The following FOXN3 variants were observed in gnomAD, a reference collection of about 807,000 sequenced individuals.
FOXN3 encodes the protein forkhead box N3.
A neutral mutation model predicts 38.4 loss-of-function variants in FOXN3; 7 were observed. The ratio of observed to expected loss-of-function variants is 0.18; its 90% CI spans 0.10 to 0.34. FOXN3 has a LOEUF of 0.34. FOXN3 is among the 10% of genes least tolerant of loss of function. The probability of loss-of-function intolerance (pLI) is 1.00; values close to 1 mark genes in which losing one functional copy is unlikely to be tolerated. For missense variants in FOXN3, 456 were observed against 613.4 expected (o/e 0.74, Z 2.71); for synonymous variants, 230 against 242.2 (o/e 0.95, Z 0.47).
intron 4 of FOXN3, among the ~76,000 whole-genome samples, chr14:89,208,727 T>C (rs754944748): frequency 2.0e-5 from 3 of 152,186 alleles, no homozygotes; most frequent in Non-Finnish European, 2.9e-5. Flanking sequence ...AAGCACAGAA[T>C]AATAGAATTT....
chr14:89,221,473 A>G (rs1467470964), intron 4 of FOXN3, among the ~76,000 whole-genome samples: 1 of 152,344 alleles, frequency 6.6e-6, no homozygotes, highest in East Asian at 1.9e-4. Flanking sequence ...CTTTGGTTAC[A>G]GTCAGATTTG....
rs557499338 is a variant in FOXN3 at position 89,427,673 on chromosome 14, C to G, written c.-14-15183G>C. 7.2e-5 allele frequency among the ~76,000 whole-genome samples: 11 copies of G among 151,966 alleles called. No individual in the cohort carries two copies. The East Asian group carries it at 2.1e-3, about 29-fold the overall frequency. Reference sequence around the variant, plus strand: ...CTTGCAAAAACTCAAAGTTCAACTTCTATGTCATAATCAACAAAGTATGGT... The same window carrying G: ...CTTGCAAAAACTCAAAGTTCAACTTGTATGTCATAATCAACAAAGTATGGT... On this transcript the variant is annotated intron_variant, in intron 1 of 6. Transcript: ENST00000345097.
At chr14:89,266,586 C>A (rs1216961103) in intron 4 of FOXN3, among the ~76,000 whole-genome samples, 2 of 152,116 alleles carry the variant, frequency 1.3e-5, no homozygotes, top group African/African-American at 2.4e-5. Context: ...GGGTAACCTG[C>A]AAGGTGCTGG....
chr14:89,327,110 G>A (rs1391458493), intron 3 of FOXN3, among the ~76,000 whole-genome samples: 2 of 152,054 alleles, frequency 1.3e-5, no homozygotes, highest in African/African-American at 4.8e-5. Flanking sequence ...CACAACATGA[G>A]GCCATAATTG....
intron 5 of FOXN3, among the ~76,000 whole-genome samples, chr14:89,178,921 T>C (rs1403968397): frequency 6.6e-6 from 1 of 152,224 alleles, no homozygotes; most frequent in Non-Finnish European, 1.5e-5. Context: ...TAAAAATACA[T>C]TGTTGCTCCA....
chr14:89,506,646 C>T (rs753029631), intron 1 of FOXN3, among the ~76,000 whole-genome samples: 49 of 152,096 alleles, frequency 3.2e-4, no homozygotes, highest in Admixed American at 2.9e-3. Context: ...TCATTGAGAA[C>T]GGGCCAGGAT....
chr14:89,559,123 G>T (rs1283792078), intron 1 of FOXN3, among the ~76,000 whole-genome samples: 3 of 151,996 alleles, frequency 2.0e-5, no homozygotes, highest in Non-Finnish European at 4.4e-5. Flanking sequence ...ACTTTACTTT[G>T]GGAGGCCAAA....
intron 4 of FOXN3, among the ~76,000 whole-genome samples, chr14:89,250,267 T>A (rs1022592209): frequency 6.6e-6 from 1 of 152,150 alleles, no homozygotes; most frequent in African/African-American, 2.4e-5. Flanking sequence ...TACACCACCA[T>A]GCCCAGCTAA....
At chr14:89,456,625 G>A (rs1596281262) in intron 1 of FOXN3, among the ~76,000 whole-genome samples, 2 of 152,112 alleles carry the variant, frequency 1.3e-5, no homozygotes, top group African/African-American at 2.4e-5. Context: ...GTTTGGTGGC[G>A]GGAGCCTGTA....
chr14:89,400,564 C>CT (rs1383669227), intron 2 of FOXN3, among the ~76,000 whole-genome samples: 1 of 152,236 alleles, frequency 6.6e-6, no homozygotes, highest in Admixed American at 6.5e-5. Context: ...CTGGCTCAAG[C>CT]TAGCATCACT....
intron 1 of FOXN3, among the ~76,000 whole-genome samples, chr14:89,529,150 T>A (rs1894499777): frequency 1.3e-5 from 2 of 152,270 alleles, no homozygotes; most frequent in South Asian, 4.1e-4. Flanking sequence ...AAACCCAAAT[T>A]TCTTTAAGTC....
chr14:89,185,167 G>A (rs1477373062), intron 4 of FOXN3, among the ~76,000 whole-genome samples: 6 of 152,256 alleles, frequency 3.9e-5, no homozygotes, highest in South Asian at 4.2e-4. Flanking sequence ...GCACTTCTCC[G>A]TCCTCATCAT....
intron 1 of FOXN3, among the ~76,000 whole-genome samples, chr14:89,573,822 A>G (rs1465505709): frequency 6.6e-6 from 1 of 152,144 alleles, no homozygotes; most frequent in Non-Finnish European, 1.5e-5. Context: ...TTGGAAGCCC[A>G]TAAGTTCGAG....
chr14:89,281,053 C>A, intron 3 of FOXN3, 39 bp from the exon 4 acceptor site: 1 of 1,567,600 alleles, frequency 6.4e-7, no homozygotes. Flanking sequence ...CCAAGTTCAT[C>A]TGCACTCACA....
At chr14:89,506,975 G>A (rs1030493638) in intron 1 of FOXN3, among the ~76,000 whole-genome samples, 6 of 152,064 alleles carry the variant, frequency 3.9e-5, no homozygotes, top group Admixed American at 6.5e-5. Context: ...AGTACCCAGC[G>A]ACACAAACAC....
chr14:89,268,217 G>A (rs913861256), intron 4 of FOXN3, among the ~76,000 whole-genome samples: 1 of 152,196 alleles, frequency 6.6e-6, no homozygotes, highest in African/African-American at 2.4e-5. Context: ...GAAATTACAT[G>A]TAAGCCAGGT....
At chr14:89,499,915 A>G (rs941859925) in intron 1 of FOXN3, among the ~76,000 whole-genome samples, 1 of 151,498 alleles carries the variant, frequency 6.6e-6, no homozygotes, top group Non-Finnish European at 1.5e-5. Flanking sequence ...TGTTTTTTTG[A>G]GGTTGCTCAC....
intron 3 of FOXN3, among the ~76,000 whole-genome samples, chr14:89,340,290 T>C (rs1378601428): frequency 6.6e-6 from 1 of 152,184 alleles, no homozygotes; most frequent in African/African-American, 2.4e-5. Flanking sequence ...AAACAGACTT[T>C]GACCAAAACT....
At position 89,286,158 on chromosome 14, in the gene FOXN3, G is replaced by A. The variant is rs1886623044; in HGVS notation, c.681-5144C>T. On this transcript the variant is annotated intron_variant, in intron 3 of 5. Coordinates refer to ENST00000557258, the MANE Select transcript of FOXN3 (RefSeq NM_005197.4). ...ATTTTTGTTAATGTATAAAACAAGAGAGGAGTAGGGAGGGGAGGAGGGAGA... is the reference window on the plus strand; with the variant it reads ...ATTTTTGTTAATGTATAAAACAAGAAAGGAGTAGGGAGGGGAGGAGGGAGA... 4.6e-5 allele frequency among the ~76,000 whole-genome samples: 7 copies of A among 151,712 alleles called. No homozygotes were observed. The South Asian group carries it at 1.5e-3, about 32-fold the overall frequency.
Sources: gnomAD v4.1 joint callset for allele counts (sites outside exome capture counted in the v4.1 genomes callset) on GRCh38, gnomAD v4.1.1 for gene constraint, MANE v1.5 for transcripts, NCBI Gene and HGNC (gene_info 2026-07-23, HGNC 2026-07-21) for gene names.